The following RBFOX3 variants were observed in gnomAD, a reference collection of about 807,000 sequenced individuals.
The protein encoded by RBFOX3 is RNA binding fox-1 homolog 3, also known as RNA binding protein fox-1 homolog 3.
Under a neutral mutation model 48.7 loss-of-function variants are expected in RBFOX3, and 17 were observed. The observed-to-expected ratio is 0.35, with a 90% confidence interval of 0.24 to 0.52. RBFOX3 has a LOEUF of 0.52. RBFOX3 is among the 20% of genes least tolerant of loss of function. The pLI is 0.94. For missense variants in RBFOX3, 382 were observed against 497.5 expected (o/e 0.77, Z 2.21); for synonymous variants, 212 against 209.5 (o/e 1.01, Z -0.10).
At chr17:79,536,954 G>A (rs565015378) in intron 1 of RBFOX3, among the ~76,000 whole-genome samples, 18 of 152,040 alleles carry the variant, frequency 1.2e-4, no homozygotes, top group Admixed American at 9.2e-4. Context: ...GCATGGTGGC[G>A]AGCACCTGTA....
At chr17:79,277,857 C>T (rs2069286989) in intron 3 of RBFOX3, among the ~76,000 whole-genome samples, 1 of 152,218 alleles carries the variant, frequency 6.6e-6, no homozygotes, top group South Asian at 2.1e-4. Flanking sequence ...CCCCTGCAGT[C>T]CTGCACCTTG....
At chr17:79,233,225 T>A (rs956689219) in intron 4 of RBFOX3, among the ~76,000 whole-genome samples, 1 of 152,146 alleles carries the variant, frequency 6.6e-6, no homozygotes, top group African/African-American at 2.4e-5. Context: ...TGAATAACTA[T>A]GAGGAGTGAA....
intron 3 of RBFOX3, among the ~76,000 whole-genome samples, chr17:79,280,052 T>C (rs1382168671): frequency 6.6e-6 from 1 of 151,998 alleles, no homozygotes. Flanking sequence ...CACACCCCTA[T>C]GGGAAGAGCG....
Position 79,299,804 on chromosome 17 carries a change from C to T in RBFOX3, c.-74+7920G>A, listed in dbSNP as rs561735502. Reference sequence around the variant, plus strand: ...CCACATAAGGACATGGAGAAGACGGCGTCTACATGCCAAGGGGAGCAGCCA... The same window carrying T: ...CCACATAAGGACATGGAGAAGACGGTGTCTACATGCCAAGGGGAGCAGCCA... On this transcript the variant is annotated intron_variant, in intron 3 of 14. Transcript: ENST00000693108. The surrounding 1 kb of genome is among the most constrained non-coding windows in gnomAD (Gnocchi z 4.5). Among the ~76,000 whole-genome samples, 39 of 152,240 alleles carry T rather than the reference C, an allele frequency of 2.6e-4. No individual in the cohort carries two copies. Among genetic ancestry groups the T allele is most frequent in the Non-Finnish European group, 4.4e-4 (30 of 68,018 alleles).
At chr17:79,403,759 A>ACAAGCT (rs1421410173) in intron 2 of RBFOX3, among the ~76,000 whole-genome samples, 1 of 149,858 alleles carries the variant, frequency 6.7e-6, no homozygotes, top group Non-Finnish European at 1.5e-5. Flanking sequence ...TTCCCCCAGC[A>ACAAGCT]CAAGCTCCCA....
At chr17:79,138,673 C>T (rs532761723) in intron 4 of RBFOX3, among the ~76,000 whole-genome samples, 90 of 102,154 alleles carry the variant, frequency 8.8e-4, no homozygotes, top group African/African-American at 3.0e-3. Flanking sequence ...TGCATTCACA[C>T]CCTCACCCAT....
intron 4 of RBFOX3, among the ~76,000 whole-genome samples, chr17:79,191,767 C>T (rs1036891401): frequency 2.0e-5 from 3 of 152,160 alleles, no homozygotes; most frequent in Non-Finnish European, 4.4e-5. Context: ...AGACGGTAAC[C>T]TACAGACTCA....
chr17:79,106,566 T>A, intron 6 of RBFOX3, 85 bp downstream of exon 6: 1 of 1,375,932 alleles, frequency 7.3e-7, no homozygotes, highest in Non-Finnish European at 9.4e-7. Context: ...GGAACAGGTG[T>A]CGGCAGGAAG....
chr17:79,322,734 T>C (rs1476181331), intron 2 of RBFOX3, among the ~76,000 whole-genome samples: 1 of 152,112 alleles, frequency 6.6e-6, no homozygotes, highest in Non-Finnish European at 1.5e-5. Context: ...TGGGCCTGTG[T>C]GTTCATATAT....
At chr17:79,628,284 C>G in the RBFOX3 span, among the ~76,000 whole-genome samples, 1 of 152,266 alleles carries the variant, frequency 6.6e-6, no homozygotes, top group African/African-American at 2.4e-5. Flanking sequence ...GGATGACCAA[C>G]CCCGGCCTGG....
chr17:79,163,383 G>A (rs11649910), intron 4 of RBFOX3, among the ~76,000 whole-genome samples: 88,792 of 152,200 alleles, frequency 0.58, 29,509 homozygotes, highest in Non-Finnish European at 0.73. Flanking sequence ...GAGAGATCCC[G>A]GAAACAAGAC....
At chr17:79,210,133 G>A (rs578019356) in intron 4 of RBFOX3, among the ~76,000 whole-genome samples, 1 of 152,388 alleles carries the variant, frequency 6.6e-6, no homozygotes, top group South Asian at 2.1e-4. Context: ...GAGCCCGAGG[G>A]AAGAGTGTAC....
At chr17:79,329,837 G>A (rs988697997) in intron 2 of RBFOX3, among the ~76,000 whole-genome samples, 3 of 152,128 alleles carry the variant, frequency 2.0e-5, no homozygotes, top group East Asian at 1.9e-4. Flanking sequence ...ATGGCTGGTC[G>A]CACATTTTAG....
At chr17:79,465,162 C>T (rs571192315) in intron 2 of RBFOX3, among the ~76,000 whole-genome samples, 1 of 152,308 alleles carries the variant, frequency 6.6e-6, no homozygotes, top group African/African-American at 2.4e-5. Flanking sequence ...CGATGAAACG[C>T]ACCACGACCT....
At chr17:79,377,801 G>A (rs945201642) in intron 2 of RBFOX3, among the ~76,000 whole-genome samples, 24 of 152,158 alleles carry the variant, frequency 1.6e-4, no homozygotes, top group Admixed American at 2.6e-4. Flanking sequence ...ACCCGAGGTC[G>A]CTGCCCTGGT....
intron 1 of RBFOX3, among the ~76,000 whole-genome samples, chr17:79,568,643 G>A (rs1034105342): frequency 1.3e-5 from 2 of 152,186 alleles, no homozygotes; most frequent in South Asian, 4.2e-4. Context: ...CAGCACCCTC[G>A]ATACATTCCA....
At chr17:79,431,057 G>C (rs1301534629) in intron 2 of RBFOX3, among the ~76,000 whole-genome samples, 1 of 152,224 alleles carries the variant, frequency 6.6e-6, no homozygotes, top group Non-Finnish European at 1.5e-5. Flanking sequence ...GATCAAACCA[G>C]AGAATCATTC....
Position 79,312,975 on chromosome 17 carries a change from A to T in RBFOX3, c.-174-5151T>A, listed in dbSNP as rs934321443. Among the ~76,000 whole-genome samples the T allele has an allele frequency of 2.0e-5, 3 of 152,244 alleles. No homozygotes were observed. In the South Asian group the frequency reaches 6.2e-4, roughly 32 times the overall value. The stretch of plus-strand genomic sequence containing the variant: ...ACTCATTAACCCTTCCAGTGACCCT[A>T]GGAGGAAGCTGAGATGTAGGATGCT... On this transcript the variant is annotated intron_variant, in intron 2 of 14. Coordinates refer to ENST00000693108, the MANE Select transcript of RBFOX3 (RefSeq NM_001350451.2).
chr17:79,208,755 C>T (rs537809674), intron 4 of RBFOX3, among the ~76,000 whole-genome samples: 1 of 152,216 alleles, frequency 6.6e-6, no homozygotes, highest in South Asian at 2.1e-4. Flanking sequence ...GGCCCTGCTC[C>T]TGCCTTAAGG....
Sources: gnomAD v4.1 joint callset for allele counts (sites outside exome capture counted in the v4.1 genomes callset) on GRCh38, gnomAD v4.1.1 for gene constraint, Gnocchi (gnomAD v3.1) non-coding constraint, MANE v1.5 for transcripts, NCBI Gene and HGNC (gene_info 2026-07-23, HGNC 2026-07-21) for gene names.